Variants in STXBP5L observed in about 807,000 individuals in gnomAD.
The protein encoded by STXBP5L is syntaxin binding protein 5L.
STXBP5L carries 65 observed loss-of-function variants against 144.5 expected under a neutral mutation model. The observed-to-expected ratio is 0.45, with a 90% confidence interval of 0.37 to 0.55. STXBP5L has a LOEUF of 0.55. Among genes scored for constraint, STXBP5L ranks in the 20% least tolerant of loss-of-function variants. The pLI, the probability that STXBP5L is intolerant of heterozygous loss-of-function variation, is 0.00. For synonymous variants in STXBP5L, 505 were observed against 469.6 expected, an observed-to-expected ratio of 1.08 and a Z score of -0.97; for missense variants, 1,298 against 1,405.5, an observed-to-expected ratio of 0.92 and a Z score of 1.22.
At chr3:121,338,480 C>G (rs1252421522) in intron 20 of STXBP5L, among the ~76,000 whole-genome samples, 1 of 149,434 alleles carries the variant, frequency 6.7e-6, no homozygotes, top group Non-Finnish European at 1.5e-5. Context: ...CCTGTCTCTA[C>G]TAAAAATACA....
chr3:121,226,768 C>T (rs950356255), intron 11 of STXBP5L, among the ~76,000 whole-genome samples: 4 of 152,126 alleles, frequency 2.6e-5, no homozygotes, highest in African/African-American at 9.7e-5. Flanking sequence ...TTTTGCTTTT[C>T]TTAGAAGCAT....
chr3:121,366,411 A>G (rs552174228), intron 20 of STXBP5L, among the ~76,000 whole-genome samples: 1 of 151,924 alleles, frequency 6.6e-6, no homozygotes, highest in South Asian at 2.1e-4. Flanking sequence ...TGCTTCATAT[A>G]TTTTGATGGT....
chr3:120,999,196 G>T (rs1445239848), intron 3 of STXBP5L, among the ~76,000 whole-genome samples: 3 of 152,068 alleles, frequency 2.0e-5, no homozygotes, highest in Non-Finnish European at 4.4e-5. Context: ...GGGACTACAG[G>T]CATATGCTAC....
chr3:121,031,895 G>A (rs1946395230), intron 3 of STXBP5L, among the ~76,000 whole-genome samples: 1 of 152,080 alleles, frequency 6.6e-6, no homozygotes, highest in South Asian at 2.1e-4. Context: ...CAGATGATAG[G>A]CCTGACCATC....
chr3:121,047,977 G>A (rs1947641194), intron 5 of STXBP5L, among the ~76,000 whole-genome samples: 1 of 152,048 alleles, frequency 6.6e-6, no homozygotes, highest in African/African-American at 2.4e-5. Flanking sequence ...TTTTGTAGTA[G>A]CTTATAACAG....
chr3:120,978,580 G>T (rs888030976), intron 3 of STXBP5L, among the ~76,000 whole-genome samples: 7 of 152,198 alleles, frequency 4.6e-5, no homozygotes, highest in African/African-American at 1.7e-4. Context: ...TTGTTCTGTT[G>T]CTGGTGAGGA....
At chr3:121,141,230 C>T (rs752700767) in intron 7 of STXBP5L, among the ~76,000 whole-genome samples, 6 of 151,954 alleles carry the variant, frequency 3.9e-5, no homozygotes, top group African/African-American at 1.5e-4. Context: ...ACGGAGAAAC[C>T]CTGTGTCTAC....
intron 2 of STXBP5L, among the ~76,000 whole-genome samples, chr3:120,930,339 C>T (rs2107615960): frequency 6.6e-6 from 1 of 151,732 alleles, no homozygotes; most frequent in Middle Eastern, 3.4e-3. Flanking sequence ...CTATAAGTAC[C>T]TGTGTGTTTA....
chr3:121,041,539 T>A (rs1053315760), intron 3 of STXBP5L, among the ~76,000 whole-genome samples, 161 bp from the exon 4 acceptor site: 2 of 152,134 alleles, frequency 1.3e-5, no homozygotes, highest in African/African-American at 2.4e-5. Flanking sequence ...ATCTGAGGTA[T>A]ACAATTTAAT....
intron 3 of STXBP5L, among the ~76,000 whole-genome samples, chr3:120,993,155 G>T (rs948063727): frequency 6.6e-6 from 1 of 151,554 alleles, no homozygotes; most frequent in Admixed American, 6.6e-5. Flanking sequence ...TTATTTATTT[G>T]TTTGTTTGAT....
At chr3:121,367,595 GTTTTTTTTTTTT>G (rs57288480) in intron 20 of STXBP5L, among the ~76,000 whole-genome samples, 11 of 51,360 alleles carry the variant, frequency 2.1e-4, no homozygotes, top group African/African-American at 3.9e-4. Flanking sequence ...TTCGACTCTT[GTTTTTTTTTTTT>G]TTTTTTTTTT....
chr3:120,976,989 TGTG>T (rs1386008622), intron 3 of STXBP5L, among the ~76,000 whole-genome samples: 1 of 151,978 alleles, frequency 6.6e-6, no homozygotes, highest in African/African-American at 2.4e-5. Context: ...TTGGAATAGG[TGTG>T]GTGTGGTGCT....
chr3:121,324,887 G>A (rs1047876002), intron 20 of STXBP5L, among the ~76,000 whole-genome samples: 1 of 151,924 alleles, frequency 6.6e-6, no homozygotes, highest in Admixed American at 6.6e-5. Context: ...AAAGTAAGGG[G>A]GTCGCGGGTA....
rs576339665 is a variant in STXBP5L at position 121,422,488 on chromosome 3, G to A, written c.*3391G>A. Reference sequence around the variant, plus strand: ...GTATTTGTTTCCCTGATAATAACGTGAGCAATAGTCCCTACCTTGAAATCA... The same window carrying A: ...GTATTTGTTTCCCTGATAATAACGTAAGCAATAGTCCCTACCTTGAAATCA... On this transcript the variant is annotated 3_prime_UTR_variant, in exon 27 of 27. Transcript: ENST00000471454. 2 of 152,126 alleles carry A rather than the reference G, an allele frequency of 1.3e-5. No individual in the cohort carries two copies. Among genetic ancestry groups the A allele is most frequent in the Non-Finnish European group, 2.9e-5 (2 of 68,006 alleles). The allele number at this position is 152,126 out of a possible 1,614,324, so 9.4% of individuals were successfully genotyped here.
At chr3:121,295,395 C>T (rs948599076) in intron 19 of STXBP5L, among the ~76,000 whole-genome samples, 1 of 152,012 alleles carries the variant, frequency 6.6e-6, no homozygotes, top group Non-Finnish European at 1.5e-5. Context: ...ATTGTTATAT[C>T]TGATTTTCAG....
At chr3:121,089,303 T>G (rs975359887) in intron 5 of STXBP5L, among the ~76,000 whole-genome samples, 8 of 151,818 alleles carry the variant, frequency 5.3e-5, no homozygotes, top group Non-Finnish European at 7.4e-5. Flanking sequence ...GAAAAAATTT[T>G]TAGTTTTCCT....
intron 18 of STXBP5L, among the ~76,000 whole-genome samples, chr3:121,267,490 C>T (rs1468333667): frequency 6.6e-6 from 1 of 152,136 alleles, no homozygotes; most frequent in Non-Finnish European, 1.5e-5. Context: ...CCATTCAGGA[C>T]ATAGGCATGG....
intron 5 of STXBP5L, among the ~76,000 whole-genome samples, chr3:121,102,018 T>A (rs918588291): frequency 5.9e-5 from 9 of 151,914 alleles, no homozygotes; most frequent in South Asian, 2.1e-4. Context: ...ATATGAAATA[T>A]CTCTTTAAGG....
chr3:121,159,246 C>T (rs1433888885), intron 9 of STXBP5L, among the ~76,000 whole-genome samples: 2 of 151,836 alleles, frequency 1.3e-5, no homozygotes, highest in Non-Finnish European at 2.9e-5. Flanking sequence ...GAGATATTTT[C>T]TATAATTCCT....
Sources: allele counts gnomAD v4.1 joint callset (sites outside exome capture counted in the v4.1 genomes callset), GRCh38; gene constraint gnomAD v4.1.1; transcripts MANE v1.5; gene names NCBI Gene and HGNC (gene_info 2026-07-23, HGNC 2026-07-21).